The following DCC variants were observed in gnomAD, a reference collection of about 807,000 sequenced individuals.
DCC encodes netrin receptor DCC.
DCC carries 58 observed loss-of-function variants against 172.5 expected under a neutral mutation model. That is an observed-to-expected ratio of 0.34 (90% CI 0.27 to 0.42). The LOEUF is 0.42. DCC is among the 10% of genes least tolerant of loss of function. The pLI is 1.00. For synonymous variants in DCC, 709 were observed against 644.5 expected (o/e 1.10, Z -1.52); for missense variants, 1,740 against 1,791.0 (o/e 0.97, Z 0.51).
intron 3 of DCC, among the ~76,000 whole-genome samples, chr18:52,921,883 G>A (rs970235836): frequency 1.3e-5 from 2 of 151,766 alleles, no homozygotes; most frequent in African/African-American, 4.8e-5. Flanking sequence ...TATAGTGTAA[G>A]TTGTAGAAAC....
At chr18:52,656,116 C>CAT (rs1023385620) in intron 1 of DCC, among the ~76,000 whole-genome samples, 1 of 144,418 alleles carries the variant, frequency 6.9e-6, no homozygotes, top group African/African-American at 2.6e-5. Context: ...ATATATATAA[C>CAT]ATATATATGT....
chr18:53,272,050 T>C (rs908563697), intron 12 of DCC, among the ~76,000 whole-genome samples: 3 of 152,170 alleles, frequency 2.0e-5, no homozygotes, highest in African/African-American at 4.8e-5. Context: ...TTACACCCTC[T>C]GTGCTTCAGA....
chr18:52,538,862 G>A (rs965596405), intron 1 of DCC, among the ~76,000 whole-genome samples: 2 of 152,026 alleles, frequency 1.3e-5, no homozygotes, highest in Non-Finnish European at 2.9e-5. Flanking sequence ...CAAAATATCA[G>A]CCACAAAGTA....
At chr18:53,274,654 T>G (rs2056786001) in intron 12 of DCC, among the ~76,000 whole-genome samples, 1 of 152,156 alleles carries the variant, frequency 6.6e-6, no homozygotes, top group Admixed American at 6.6e-5. Flanking sequence ...AGGAATTCGT[T>G]TGAAAATCCC....
chr18:52,717,956 C>CA (rs144181577), intron 1 of DCC, among the ~76,000 whole-genome samples: 5,262 of 152,086 alleles, frequency 0.035, 141 homozygotes, highest in East Asian at 0.084. Context: ...CACAAAAGAA[C>CA]AAAAAACCAA....
intron 2 of DCC, among the ~76,000 whole-genome samples, chr18:52,809,677 T>C (rs7242706): frequency 0.75 from 113,740 of 151,998 alleles, 43,310 homozygotes; most frequent in East Asian, 0.88. Context: ...GGACGGTGAG[T>C]AGAAGCTCAA....
intron 7 of DCC, among the ~76,000 whole-genome samples, chr18:53,089,547 C>G (rs552527455): frequency 6.6e-6 from 1 of 151,594 alleles, no homozygotes; most frequent in East Asian, 1.9e-4. Context: ...TGAATGTAAT[C>G]CAGGATGGAC....
chr18:52,406,976 A>T (rs1210551780), intron 1 of DCC, among the ~76,000 whole-genome samples: 1 of 151,864 alleles, frequency 6.6e-6, no homozygotes, highest in East Asian at 1.9e-4. Context: ...TGAGATTCAC[A>T]CCGGTGCTTA....
At chr18:52,725,607 T>G (rs149545654) in intron 1 of DCC, among the ~76,000 whole-genome samples, 64 of 152,186 alleles carry the variant, frequency 4.2e-4, no homozygotes, top group African/African-American at 1.3e-3. Context: ...ATGTCTTGGT[T>G]TGTGGGGGAG....
chr18:52,489,881 T>C (rs2030417963), intron 1 of DCC, among the ~76,000 whole-genome samples: 1 of 152,136 alleles, frequency 6.6e-6, no homozygotes. Flanking sequence ...TTATCTTTAA[T>C]TTTATATGCA....
intron 1 of DCC, among the ~76,000 whole-genome samples, chr18:52,637,814 G>C (rs2034812068): frequency 6.6e-6 from 1 of 152,096 alleles, no homozygotes. Context: ...GAAGCACAAA[G>C]AACACCCGAG....
At chr18:53,137,416 T>G (rs1267355655) in intron 7 of DCC, among the ~76,000 whole-genome samples, 2 of 152,230 alleles carry the variant, frequency 1.3e-5, no homozygotes, top group African/African-American at 4.8e-5. Flanking sequence ...TTCCTGGCCA[T>G]GTAGCCTCTC....
chr18:52,954,825 C>A (rs1672155655), intron 5 of DCC, among the ~76,000 whole-genome samples: 1 of 152,244 alleles, frequency 6.6e-6, no homozygotes, highest in African/African-American at 2.4e-5. Context: ...ATTCTAATTT[C>A]AATTTCTCTA....
At chr18:52,867,690 CTGA>C (rs767476372) in intron 2 of DCC, among the ~76,000 whole-genome samples, 1 of 152,104 alleles carries the variant, frequency 6.6e-6, no homozygotes, top group African/African-American at 2.4e-5. Context: ...ATAATATTCT[CTGA>C]TGGTATTTTG....
chr18:52,436,100 T>C (rs1338985047), intron 1 of DCC, among the ~76,000 whole-genome samples: 1 of 152,192 alleles, frequency 6.6e-6, no homozygotes, highest in Admixed American at 6.5e-5. Context: ...CCACTGATTC[T>C]CTCTTACCCA....
intron 22 of DCC, among the ~76,000 whole-genome samples, chr18:53,444,053 T>A (rs909886596): frequency 2.6e-5 from 4 of 152,202 alleles, no homozygotes; most frequent in Non-Finnish European, 4.4e-5. Flanking sequence ...ATTTTTGAAG[T>A]GACAATGAAA....
In DCC at chr18:52,629,472, C is replaced by A. The variant is rs186608746; in HGVS notation, c.92-122582C>A. Among the ~76,000 whole-genome samples the A allele has an allele frequency of 2.5e-3, 376 of 152,198 alleles. 1 individual carries two copies. The highest frequency in any genetic ancestry group is 8.6e-3 in the African/African-American group (355 of 41,510). ...CTGGAGGGTGGATTAGGGGGAGCAA[C>A]TAGCAAGTGTTGTGAGAGGAGACCA... On this transcript the variant is annotated intron_variant, in intron 1 of 28. Coordinates refer to ENST00000442544, the MANE Select transcript of DCC (RefSeq NM_005215.4).
Position 52,340,647 on chromosome 18 carries a change from G to A in DCC, c.-141G>A. 1.3e-6 allele frequency: 1 copy of A among 767,644 alleles called. No individual in the cohort carries two copies. Among genetic ancestry groups the A allele is most frequent in the Non-Finnish European group, 2.4e-6 (1 of 417,314 alleles). The allele number at this position is 767,644 out of a possible 1,614,324, so 47.6% of individuals were successfully genotyped here. On this transcript the variant is annotated 5_prime_UTR_variant, in exon 1 of 29. Coordinates refer to ENST00000442544, the MANE Select transcript of DCC (RefSeq NM_005215.4). ...GAGGCGCAGGGGAGGTGGAGAAAGA[G>A]GTGGAGGAAGAGGACGAGGAGGAGG...
rs916319954 is a variant in DCC at position 53,108,138 on chromosome 18, A to G, written c.1261+41972A>G. Among the ~76,000 whole-genome samples, 6 of 150,524 alleles carry G rather than the reference A, an allele frequency of 4.0e-5. No individual in the cohort carries two copies. The South Asian group carries it at 6.3e-4, about 16-fold the overall frequency. Reference sequence around the variant, plus strand: ...TTTTATATATTTTCTATTATGAAACATAAGACTTATATGGAAGAATGCACG... The same window carrying G: ...TTTTATATATTTTCTATTATGAAACGTAAGACTTATATGGAAGAATGCACG... On this transcript the variant is annotated intron_variant, in intron 7 of 28. Coordinates refer to ENST00000442544, the MANE Select transcript of DCC (RefSeq NM_005215.4).
Sources: gnomAD v4.1 joint callset for allele counts (sites outside exome capture counted in the v4.1 genomes callset) on GRCh38, gnomAD v4.1.1 for gene constraint, MANE v1.5 for transcripts, NCBI Gene and HGNC (gene_info 2026-07-23, HGNC 2026-07-21) for gene names.